The following MYCBP2 variants were observed in gnomAD, a reference collection of about 807,000 sequenced individuals.
MYCBP2 encodes the protein MYC binding protein 2, also known as E3 ubiquitin-protein ligase MYCBP2.
A neutral mutation model predicts 525.3 loss-of-function variants in MYCBP2; 120 were observed. The observed-to-expected ratio is 0.23, with a 90% CI of 0.20 to 0.27. The LOEUF (loss-of-function observed/expected upper bound fraction) is 0.27. Ranked by LOEUF, MYCBP2 falls within the 10% of genes least tolerant of loss-of-function variation. The probability of loss-of-function intolerance (pLI) is 1.00; values close to 1 mark genes in which losing one functional copy is unlikely to be tolerated. For synonymous variants in MYCBP2, 1,894 were observed against 1,955.8 expected (o/e 0.97, Z 0.83); for missense variants, 4,149 against 5,657.1 (o/e 0.73, Z 8.55).
intron 4 of MYCBP2, among the ~76,000 whole-genome samples, chr13:77,277,166 G>A (rs896784655): frequency 4.6e-5 from 7 of 152,104 alleles, no homozygotes; most frequent in African/African-American, 1.7e-4. Context: ...TAGGAAATAC[G>A]ACATCCAAGT....
At chr13:77,165,465 G>T in intron 41 of MYCBP2, 74 bp from the exon 42 acceptor site, 2 of 1,072,524 alleles carry the variant, frequency 1.9e-6, no homozygotes, top group South Asian at 1.5e-5. Context: ...TTATCCAATG[G>T]ACTTTCTCTT....
chr13:77,247,740 A>C (rs1245623291), intron 15 of MYCBP2, among the ~76,000 whole-genome samples: 1 of 152,226 alleles, frequency 6.6e-6, no homozygotes, highest in Non-Finnish European at 1.5e-5. Context: ...GATAGAATAG[A>C]CAGCTGAGAA....
At position 77,166,405 on chromosome 13, in the gene MYCBP2, T is replaced by C. The variant is rs754523429; in HGVS notation, c.6264A>G (p.Glu2088=). 10 of 1,613,924 alleles carry C rather than the reference T, an allele frequency of 6.2e-6. No individual in the cohort carries two copies. The highest frequency in any genetic ancestry group is 7.6e-6 in the Non-Finnish European group (9 of 1,179,958). ...GYGPKLTSVH[E]NLNSWIELKK... ...TTAATTCTATCCATGAATTAAGATT[T>C]TCATGAACAGATGTCAATTTTGGTC... Residue 2088 remains glutamate, a synonymous_variant, in exon 41 of 83, where the codon GAA becomes GAG. Transcript: ENST00000544440.
At chr13:77,320,561 A>G (rs1381518284) in intron 1 of MYCBP2, among the ~76,000 whole-genome samples, 1 of 151,922 alleles carries the variant, frequency 6.6e-6, no homozygotes, top group Non-Finnish European at 1.5e-5. Flanking sequence ...GAATGCTAAA[A>G]GCATTAGGTA....
intron 1 of MYCBP2, among the ~76,000 whole-genome samples, chr13:77,309,543 T>A (rs1350263423): frequency 2.0e-5 from 3 of 152,184 alleles, no homozygotes; most frequent in Admixed American, 2.0e-4. Flanking sequence ...GAATGGACTC[T>A]TGAGAAACTA....
chr13:77,287,399 G>A (rs1199549186), intron 3 of MYCBP2, among the ~76,000 whole-genome samples: 1 of 151,308 alleles, frequency 6.6e-6, no homozygotes, highest in Non-Finnish European at 1.5e-5. Context: ...TGGCCAGGCT[G>A]TTCTCAAACT....
chr13:77,136,916 T>C (rs1490736798), intron 52 of MYCBP2, among the ~76,000 whole-genome samples: 1 of 152,190 alleles, frequency 6.6e-6, no homozygotes, highest in Non-Finnish European at 1.5e-5. Flanking sequence ...GTCATCTATA[T>C]CTTTAATTTC....
intron 59 of MYCBP2, among the ~76,000 whole-genome samples, chr13:77,091,312 AAC>A (rs1384556397): frequency 6.6e-6 from 1 of 152,134 alleles, no homozygotes; most frequent in African/African-American, 2.4e-5. Context: ...GGGAAACATT[AAC>A]TTAATTCACT....
intron 77 of MYCBP2, 68 bp downstream of exon 77, chr13:77,059,455 T>C (rs916577722): frequency 8.4e-7 from 1 of 1,187,882 alleles, no homozygotes; most frequent in Non-Finnish European, 1.3e-6. Context: ...AAAACTCTTT[T>C]CTGTATGAAG....
At position 77,161,921 on chromosome 13, in the gene MYCBP2, C is replaced by T. The variant is rs754672012; in HGVS notation, c.6582G>A (p.Glu2194=). ...NELEEDLEIL[E]EAALQVCKTH... The stretch of plus-strand genomic sequence containing the variant: ...GGGACAATACCTGCAATGCAGCCTC[C>T]TCAAGAATTTCAAGGTCTTCTTCTA... The change falls in exon 44 of 83, where the codon GAG becomes GAA. Residue 2194 remains glutamate, a synonymous_variant. Transcript: ENST00000544440. 1 of 1,608,610 alleles carries T rather than the reference C, an allele frequency of 6.2e-7. No individual in the cohort carries two copies. The highest frequency in any genetic ancestry group is 1.3e-5 in the African/African-American group (1 of 74,636).
chr13:77,116,346 G>A (rs1375991775), intron 55 of MYCBP2, among the ~76,000 whole-genome samples: 1 of 151,924 alleles, frequency 6.6e-6, no homozygotes, highest in African/African-American at 2.4e-5. Flanking sequence ...ATATACTAGT[G>A]GGATACATGG....
chr13:77,126,587 T>G (rs953246333), intron 52 of MYCBP2, 45 bp from the exon 53 acceptor site: 1 of 1,473,840 alleles, frequency 6.8e-7, no homozygotes, highest in African/African-American at 1.4e-5. Flanking sequence ...ATACAATCTA[T>G]TATCACTTTC....
At position 77,081,805 on chromosome 13, in the gene MYCBP2, G is replaced by C. The variant is rs781593417; in HGVS notation, c.11193+32C>G. 6.3e-7 allele frequency: 1 copy of C among 1,597,070 alleles called. No homozygotes were observed. The highest frequency in any genetic ancestry group is 1.7e-5 in the Admixed American group (1 of 57,596). ...TCCTTTGATGTATTATTAACTAACA[G>C]GACAACCAGGATAATAACTGAAATG... On this transcript the variant is annotated intron_variant, in intron 64 of 82. Coordinates refer to ENST00000544440, the MANE Select transcript of MYCBP2 (RefSeq NM_015057.5). The surrounding 1 kb of genome is among the most constrained non-coding windows in gnomAD (Gnocchi z 4.6).
At chr13:77,127,989 T>C (rs1285849995) in intron 52 of MYCBP2, among the ~76,000 whole-genome samples, 1 of 151,930 alleles carries the variant, frequency 6.6e-6, no homozygotes, top group East Asian at 1.9e-4. Context: ...CAATATTCTT[T>C]GGTTACATAT....
intron 34 of MYCBP2, among the ~76,000 whole-genome samples, chr13:77,179,049 T>C (rs2059973111): frequency 6.6e-6 from 1 of 152,192 alleles, no homozygotes; most frequent in Admixed American, 6.5e-5. Context: ...AGACTAAAAT[T>C]AGCTCAAGTG....
chr13:77,105,370 T>C (rs1007013663), intron 55 of MYCBP2, among the ~76,000 whole-genome samples: 2 of 152,114 alleles, frequency 1.3e-5, no homozygotes, highest in Admixed American at 6.6e-5. Flanking sequence ...AGAGACTTGA[T>C]TCCTAGGTAT....
chr13:77,326,422 G>T lies in MYCBP2; in HGVS notation c.302+52C>A. Reference sequence around the variant, plus strand: ...ACACGCGGGTGCACGCGCGGCATGGGGCGCAAGGAAGGGCGGCATGGGGCG... The same window carrying T: ...ACACGCGGGTGCACGCGCGGCATGGTGCGCAAGGAAGGGCGGCATGGGGCG... On this transcript the variant is annotated intron_variant, in intron 1 of 82. Coordinates refer to ENST00000544440, the MANE Select transcript of MYCBP2 (RefSeq NM_015057.5). This position sits in a 1 kb window ranked among gnomAD's most constrained non-coding sequence, Gnocchi z 4.2. 1 of 1,480,660 alleles carries T rather than the reference G, an allele frequency of 6.8e-7. No individual in the cohort carries two copies. The highest frequency in any genetic ancestry group is 1.3e-5 in the South Asian group (1 of 76,224). 91.7% of individuals were successfully genotyped at this position (1,480,660 alleles called of 1,614,324 possible).
intron 46 of MYCBP2, among the ~76,000 whole-genome samples, chr13:77,151,403 T>C (rs1375491129): frequency 1.3e-5 from 2 of 152,168 alleles, no homozygotes; most frequent in African/African-American, 2.4e-5. Context: ...TTTATAGAAG[T>C]TTCAAAAATT....
chr13:77,243,725 TC>T, intron 16 of MYCBP2, 80 bp downstream of exon 16: 1 of 1,228,446 alleles, frequency 8.1e-7, no homozygotes, highest in Non-Finnish European at 1.1e-6. Flanking sequence ...TTAACATATA[TC>T]TAAAAGAAAT....
Sources: gnomAD v4.1 joint callset for allele counts (sites outside exome capture counted in the v4.1 genomes callset) on GRCh38, gnomAD v4.1.1 for gene constraint, Gnocchi (gnomAD v3.1) non-coding constraint, MANE v1.5 for transcripts, NCBI Gene and HGNC (gene_info 2026-07-23, HGNC 2026-07-21) for gene names.